The following NUP210L variants were observed in gnomAD, a reference collection of about 807,000 sequenced individuals.
NUP210L encodes the protein nucleoporin 210 like.
Under a neutral mutation model 208.5 loss-of-function variants are expected in NUP210L, and 74 were observed. The observed-to-expected ratio is 0.35, with a 90% confidence interval of 0.29 to 0.43. The LOEUF (loss-of-function observed/expected upper bound fraction) is 0.43. Ranked by LOEUF, NUP210L falls within the 20% of genes least tolerant of loss-of-function variation. The pLI, the probability that NUP210L is intolerant of heterozygous loss-of-function variation, is 1.00. For synonymous variants in NUP210L, 780 were observed against 816.9 expected, an observed-to-expected ratio of 0.95 and a Z score of 0.77; for missense variants, 1,843 against 2,289.4, an observed-to-expected ratio of 0.81 and a Z score of 3.98.
chr1:154,048,171 C>A lies in NUP210L; in HGVS notation c.3484-1802G>T, dbSNP rs140075152. 3.0e-3 allele frequency among the ~76,000 whole-genome samples: 461 copies of A among 152,176 alleles called. 9 individuals carry two copies. The highest frequency in any genetic ancestry group is 7.1e-3 in the East Asian group (37 of 5,176). On this transcript the variant is annotated intron_variant, in intron 25 of 39. Coordinates refer to ENST00000368559, the Ensembl canonical transcript of NUP210L. ...GAGGTTCATCCCTACCCTTCTGCAC[C>A]CCCTCCTTATTTTGAAGAAAAAGAG...
chr1:154,133,322 T>C (rs1344265089), intron 7 of NUP210L, among the ~76,000 whole-genome samples: 3 of 150,926 alleles, frequency 2.0e-5, no homozygotes, highest in Non-Finnish European at 4.4e-5. Flanking sequence ...TTGGGAGGCC[T>C]AGGCAGGAGG....
chr1:154,107,945 G>A (rs1182514078), intron 12 of NUP210L, among the ~76,000 whole-genome samples: 1 of 151,974 alleles, frequency 6.6e-6, no homozygotes, highest in Non-Finnish European at 1.5e-5. Flanking sequence ...TCTAGAAAAT[G>A]GCCACAAAAT....
At chr1:154,127,498 A>T in intron 8 of NUP210L, 81 bp from the exon 9 acceptor site, 1 of 625,350 alleles carries the variant, frequency 1.6e-6, no homozygotes. Flanking sequence ...ACCTTTATAA[A>T]GCTGTTCAAA....
intron 33 of NUP210L, among the ~76,000 whole-genome samples, chr1:154,016,953 G>A (rs528194428): frequency 2.6e-5 from 4 of 151,422 alleles, no homozygotes; most frequent in African/African-American, 9.7e-5. Context: ...GCAACAGGGC[G>A]ATACTCCATC....
intron 13 of NUP210L, among the ~76,000 whole-genome samples, chr1:154,103,644 C>T (rs1258010247): frequency 2.8e-5 from 4 of 143,736 alleles, no homozygotes; most frequent in Non-Finnish European, 6.0e-5. Context: ...TGCACTCCAG[C>T]CTGGGCGACA....
chr1:154,143,673 A>C, intron 2 of NUP210L, 96 bp from the exon 3 acceptor site: 2 of 1,073,326 alleles, frequency 1.9e-6, no homozygotes, highest in Non-Finnish European at 2.7e-6. Context: ...GATTATGAAA[A>C]AGAAAGACTA....
At chr1:154,057,840 C>T (rs1653951514) in intron 22 of NUP210L, among the ~76,000 whole-genome samples, 2 of 151,926 alleles carry the variant, frequency 1.3e-5, no homozygotes, top group Non-Finnish European at 2.9e-5. Flanking sequence ...AACTCCTAGG[C>T]TCAAGTGAAT....
rs1458907102 is a variant in NUP210L, at chr1:154,115,377, A to C, written c.1620+2348T>G. ...TACTAACTCAGCAGCTGTGGCTTGA[A>C]AGCAGCCACAGACAATATGTAAATG... On this transcript the variant is annotated intron_variant, in intron 12 of 39. Coordinates refer to ENST00000368559, the Ensembl canonical transcript of NUP210L. Among the ~76,000 whole-genome samples the C allele has an allele frequency of 3.3e-5, 5 of 152,318 alleles. No homozygotes were observed. In the East Asian group the frequency reaches 9.6e-4, roughly 29 times the overall value.
chr1:154,074,056 T>C (rs1394873988), intron 16 of NUP210L, among the ~76,000 whole-genome samples: 1 of 151,746 alleles, frequency 6.6e-6, no homozygotes, highest in Non-Finnish European at 1.5e-5. Context: ...TTGGAGAGTC[T>C]GTTAAAAATT....
chr1:154,107,116 G>A (rs1656805272), intron 12 of NUP210L, among the ~76,000 whole-genome samples: 1 of 152,106 alleles, frequency 6.6e-6, no homozygotes, highest in Non-Finnish European at 1.5e-5. Flanking sequence ...TGAAATTTAA[G>A]AGAAGGATTT....
At chr1:154,036,812 T>A (rs1652583716) in intron 27 of NUP210L, among the ~76,000 whole-genome samples, 1 of 151,796 alleles carries the variant, frequency 6.6e-6, no homozygotes, top group Non-Finnish European at 1.5e-5. Flanking sequence ...TACGCTAGAG[T>A]GCAGTGGTGC....
intron 37 of NUP210L, chr1:153,995,546 C>T: frequency 1.5e-6 from 1 of 659,260 alleles, no homozygotes; most frequent in Non-Finnish European, 2.8e-6. Context: ...TCTTAGATTT[C>T]AAAGGATGCT....
chr1:154,010,870 CAAATAAAT>C (rs151119528), intron 34 of NUP210L, among the ~76,000 whole-genome samples: 25 of 151,470 alleles, frequency 1.7e-4, no homozygotes, highest in African/African-American at 2.4e-4. Flanking sequence ...AACTCCGTCT[CAAATAAAT>C]AAATAAATAA....
intron 17 of NUP210L, among the ~76,000 whole-genome samples, chr1:154,066,194 C>T (rs1654406685): frequency 6.6e-6 from 1 of 151,916 alleles, no homozygotes; most frequent in Admixed American, 6.6e-5. Context: ...AAATTGACAC[C>T]CTAACATCAC....
chr1:154,012,635 T>C (rs1341144903), intron 33 of NUP210L, among the ~76,000 whole-genome samples: 1 of 151,792 alleles, frequency 6.6e-6, no homozygotes, highest in Non-Finnish European at 1.5e-5. Context: ...CTCAAATTCC[T>C]AGGCTCAAGC....
At chr1:154,064,033 T>C (rs1471134038) in intron 17 of NUP210L, among the ~76,000 whole-genome samples, 1 of 150,020 alleles carries the variant, frequency 6.7e-6, no homozygotes, top group East Asian at 1.9e-4. Flanking sequence ...CTACATATTT[T>C]ATATGCATAA....
At chr1:154,131,093 C>G (rs1208962280) in intron 7 of NUP210L, among the ~76,000 whole-genome samples, 1 of 151,376 alleles carries the variant, frequency 6.6e-6, no homozygotes, top group South Asian at 2.1e-4. Context: ...GGTGAAACCC[C>G]GTCTCTGCTA....
At chr1:154,118,609 A>G in intron 11 of NUP210L, 62 bp downstream of exon 11, 1 of 1,172,554 alleles carries the variant, frequency 8.5e-7, no homozygotes, top group Non-Finnish European at 1.1e-6. Flanking sequence ...ATCAAATTTC[A>G]ATAAATTAAG....
intron 25 of NUP210L, 41 bp downstream of exon 25, chr1:154,054,187 C>G (rs1375321740): frequency 6.2e-7 from 1 of 1,605,526 alleles, no homozygotes; most frequent in Admixed American, 1.7e-5. Flanking sequence ...TATGGTTCCT[C>G]AATAGAAGAA....
Sources: gnomAD v4.1 joint callset for allele counts (sites outside exome capture counted in the v4.1 genomes callset) on GRCh38, gnomAD v4.1.1 for gene constraint, MANE v1.5 for transcripts, NCBI Gene and HGNC (gene_info 2026-07-23, HGNC 2026-07-21) for gene names.